Variants in PDIA5 observed in about 807,000 individuals in gnomAD.
PDIA5 encodes protein disulfide isomerase family A member 5.
A neutral mutation model predicts 77.6 loss-of-function variants in PDIA5; 58 were observed. The ratio of observed to expected loss-of-function variants is 0.75; its 90% confidence interval spans 0.61 to 0.93. The LOEUF is 0.93. PDIA5 is among the 40% of genes least tolerant of loss of function. The pLI is 0.00. For missense variants in PDIA5, 630 were observed against 647.7 expected, an observed-to-expected ratio of 0.97 and a Z score of 0.30; for synonymous variants, 250 against 252.1, an observed-to-expected ratio of 0.99 and a Z score of 0.08.
At chr3:123,128,053 G>A (rs907038902) in intron 10 of PDIA5, among the ~76,000 whole-genome samples, 8 of 152,222 alleles carry the variant, frequency 5.3e-5, no homozygotes, top group South Asian at 2.1e-4. Flanking sequence ...CTCTTACCAC[G>A]GTGCCCAGTT....
intron 8 of PDIA5, among the ~76,000 whole-genome samples, chr3:123,120,407 A>C (rs1334003815): frequency 1.3e-5 from 2 of 152,184 alleles, no homozygotes; most frequent in African/African-American, 4.8e-5. Context: ...GTGTGGAAGA[A>C]GCCCTGTACC....
chr3:123,143,888 G>A (rs530337950), intron 11 of PDIA5, among the ~76,000 whole-genome samples: 1 of 152,326 alleles, frequency 6.6e-6, no homozygotes, highest in African/African-American at 2.4e-5. Context: ...TGTCTCCAGT[G>A]CTCTGTCCAG....
chr3:123,084,724 A>T (rs1296357778), intron 1 of PDIA5, among the ~76,000 whole-genome samples: 2 of 152,054 alleles, frequency 1.3e-5, no homozygotes, highest in East Asian at 3.9e-4. Flanking sequence ...TCTAAGAGTC[A>T]TTTTAGACTT....
chr3:123,077,549 TACACACAC>T (rs368009624), intron 1 of PDIA5, among the ~76,000 whole-genome samples: 11,204 of 136,430 alleles, frequency 0.082, 439 homozygotes, highest in Middle Eastern at 0.15. Flanking sequence ...CTCACACACA[TACACACAC>T]ACACACACAC....
At chr3:123,092,720 G>A (rs1369528828) in intron 3 of PDIA5, among the ~76,000 whole-genome samples, 1 of 152,162 alleles carries the variant, frequency 6.6e-6, no homozygotes, top group Non-Finnish European at 1.5e-5. Context: ...TCTTCCCAGA[G>A]GGAGGTGAGT....
intron 11 of PDIA5, among the ~76,000 whole-genome samples, chr3:123,131,190 A>G (rs1377902749): frequency 3.9e-5 from 6 of 152,118 alleles, no homozygotes; most frequent in Admixed American, 3.9e-4. Flanking sequence ...GGATTGCTTG[A>G]GCCTGGGAGG....
intron 5 of PDIA5, 73 bp downstream of exon 5, chr3:123,102,869 C>G: frequency 4.1e-6 from 4 of 985,542 alleles, no homozygotes; most frequent in East Asian, 2.4e-5. Flanking sequence ...GGTTTTCTCT[C>G]TGAGAAAAGA....
intron 10 of PDIA5, among the ~76,000 whole-genome samples, chr3:123,129,942 C>T (rs1004502323): frequency 1.3e-5 from 2 of 152,132 alleles, no homozygotes; most frequent in Non-Finnish European, 2.9e-5. Flanking sequence ...TTCCCCTGCA[C>T]CCCCATGTGG....
At chr3:123,073,027 T>C (rs1039397600) in intron 1 of PDIA5, among the ~76,000 whole-genome samples, 3 of 152,206 alleles carry the variant, frequency 2.0e-5, no homozygotes, top group Non-Finnish European at 4.4e-5. Flanking sequence ...CCTGGTGGGC[T>C]GGCCCATTCC....
chr3:123,105,927 A>T (rs74924103), intron 5 of PDIA5, among the ~76,000 whole-genome samples: 7,501 of 152,180 alleles, frequency 0.049, 579 homozygotes, highest in African/African-American at 0.16. Context: ...GACCAGTGAG[A>T]GTGGCAGAGG....
At chr3:123,127,936 A>T (rs1039837859) in intron 10 of PDIA5, among the ~76,000 whole-genome samples, 1 of 152,074 alleles carries the variant, frequency 6.6e-6, no homozygotes, top group African/African-American at 2.4e-5. Flanking sequence ...GGTGAGGGAG[A>T]GCCCAGTCTT....
At chr3:123,090,745 G>A (rs976308462) in intron 2 of PDIA5, among the ~76,000 whole-genome samples, 2 of 152,072 alleles carry the variant, frequency 1.3e-5, no homozygotes, top group Non-Finnish European at 2.9e-5. Context: ...GTTGTCAGGC[G>A]CTTGCAGGGC....
chr3:123,100,887 C>T (rs897159570), intron 3 of PDIA5, among the ~76,000 whole-genome samples: 5 of 152,150 alleles, frequency 3.3e-5, no homozygotes, highest in Non-Finnish European at 7.3e-5. Context: ...GGGGATACAG[C>T]GCCTTGCCTC....
intron 3 of PDIA5, among the ~76,000 whole-genome samples, chr3:123,095,111 C>T (rs1247080589): frequency 1.3e-5 from 2 of 152,208 alleles, no homozygotes; most frequent in African/African-American, 4.8e-5. Flanking sequence ...AGCCCTGTGA[C>T]ACCGGGCAAG....
intron 12 of PDIA5, 122 bp downstream of exon 12, chr3:123,145,714 C>G: frequency 1.4e-6 from 1 of 730,114 alleles, no homozygotes; most frequent in Non-Finnish European, 2.4e-6. Flanking sequence ...GCCAGCAGTA[C>G]CTCTGTGTGC....
At chr3:123,137,616 T>TA (rs1471364366) in intron 11 of PDIA5, among the ~76,000 whole-genome samples, 1 of 152,182 alleles carries the variant, frequency 6.6e-6, no homozygotes, top group Non-Finnish European at 1.5e-5. Flanking sequence ...TTAGTCTTCA[T>TA]AAAAAATTCG....
chr3:123,098,458 C>A (rs1244969446), intron 3 of PDIA5, among the ~76,000 whole-genome samples: 1 of 152,180 alleles, frequency 6.6e-6, no homozygotes, highest in Non-Finnish European at 1.5e-5. Flanking sequence ...ACAGGAAAAT[C>A]CAATAAACAT....
chr3:123,135,603 C>CT (rs1202591731), intron 11 of PDIA5, among the ~76,000 whole-genome samples: 6 of 151,130 alleles, frequency 4.0e-5, no homozygotes, highest in African/African-American at 7.3e-5. Flanking sequence ...CTGCTGTCAT[C>CT]TTTTTTTTTA....
At position 123,159,857 on chromosome 3, in the gene PDIA5, C is replaced by G. The variant is rs116533168; in HGVS notation, c.1345-1464C>G. On this transcript the variant is annotated intron_variant, in intron 15 of 16. Transcript: ENST00000316218. ...TTCAGCTATCCATCTGGCAGCTCACCTGGGCATGAGGGACATGATGAGTAA... is the reference window on the plus strand; with the variant it reads ...TTCAGCTATCCATCTGGCAGCTCACGTGGGCATGAGGGACATGATGAGTAA... Among the ~76,000 whole-genome samples the G allele has an allele frequency of 2.7e-3, 418 of 152,348 alleles. 4 individuals carry two copies. Among genetic ancestry groups the G allele is most frequent in the African/African-American group, 9.7e-3 (405 of 41,580 alleles).
Sources: allele counts gnomAD v4.1 joint callset (sites outside exome capture counted in the v4.1 genomes callset), GRCh38; gene constraint gnomAD v4.1.1; transcripts MANE v1.5; gene names NCBI Gene and HGNC (gene_info 2026-07-23, HGNC 2026-07-21).